Variants in SART3 observed in about 807,000 individuals in gnomAD.
SART3 encodes the protein HIV-1 Tat-interacting protein of 110kDa.
In SART3, 44 loss-of-function variants were observed where a neutral mutation model predicts 122.3. The observed-to-expected ratio is 0.36, with a 90% CI of 0.28 to 0.46. The LOEUF (loss-of-function observed/expected upper bound fraction) is 0.46, where lower values mean the gene tolerates loss of function less well. SART3 is among the 20% of genes least tolerant of loss of function. SART3 has a pLI of 1.00. For missense variants in SART3, 1,101 were observed against 1,229.0 expected, an observed-to-expected ratio of 0.90 and a Z score of 1.56; for synonymous variants, 442 against 454.0, an observed-to-expected ratio of 0.97 and a Z score of 0.34.
intron 6 of SART3, among the ~76,000 whole-genome samples, chr12:108,541,535 T>C (rs1873158185): frequency 6.6e-6 from 1 of 151,846 alleles, no homozygotes; most frequent in Non-Finnish European, 1.5e-5. Context: ...GGGAAATGGG[T>C]CAAAGACTTT....
chr12:108,526,459 A>G lies in SART3; in HGVS notation c.2010T>C (p.Cys670=). 1 of 1,614,226 alleles carries G rather than the reference A, an allele frequency of 6.2e-7. No individual in the cohort carries two copies. Among genetic ancestry groups the G allele is most frequent in the Middle Eastern group, 1.7e-4 (1 of 6,060 alleles). Residue 670 remains cysteine (C), a synonymous_variant, in exon 16 of 19, where the codon TGT becomes TGC. Transcript: ENST00000546815. Reference sequence around the variant, plus strand: ...AAGGGGGCTCCACATCTACGGCAGCACATTTCCCAGCGGGCCCTGCTGCTA... The same window carrying G: ...AAGGGGGCTCCACATCTACGGCAGCGCATTTCCCAGCGGGCCCTGCTGCTA... ...VEVAAGPAGK[C]AAVDVEPPSK...
At chr12:108,530,370 TTG>T in intron 14 of SART3, 60 bp from the exon 15 acceptor site, 1 of 1,585,026 alleles carries the variant, frequency 6.3e-7, no homozygotes, top group Non-Finnish European at 8.6e-7. Context: ...CTGTACTGAT[TTG>T]TCATGAAAGG....
chr12:108,545,810 A>T (rs1565864892), intron 3 of SART3, among the ~76,000 whole-genome samples: 1 of 152,044 alleles, frequency 6.6e-6, no homozygotes, highest in Non-Finnish European at 1.5e-5. Flanking sequence ...TACTAAAAAT[A>T]GAAAAATTAG....
At chr12:108,531,370 A>G (rs1008260017) in intron 13 of SART3, 90 bp from the exon 14 acceptor site, 1 of 918,482 alleles carries the variant, frequency 1.1e-6, no homozygotes, top group Non-Finnish European at 1.8e-6. Flanking sequence ...GTACCTCCAG[A>G]AGAGATCTCT....
In SART3 at chr12:108,523,222, C is replaced by T. The variant is rs1274102498; in HGVS notation, c.*235G>A. The T allele has an allele frequency of 5.0e-6, 3 of 594,454 alleles. No homozygotes were observed. Among genetic ancestry groups the T allele is most frequent in the African/African-American group, 1.9e-5 (1 of 53,758 alleles). The allele number at this position is 594,454 out of a possible 1,614,324, so 36.8% of individuals were successfully genotyped here. On this transcript the variant is annotated 3_prime_UTR_variant, in exon 19 of 19. Coordinates refer to ENST00000546815, the MANE Select transcript of SART3 (RefSeq NM_014706.4). ...GATACAAAACTATCTCAGGACACCA[C>T]ATCCTGGGCCCAGCCTGCAGAGTGG...
At chr12:108,548,980 A>G (rs779207484) in intron 2 of SART3, 108 bp downstream of exon 2, 7 of 1,545,422 alleles carry the variant, frequency 4.5e-6, no homozygotes, top group African/African-American at 1.4e-5. Context: ...TTTCCACTAC[A>G]CTGAACGTTC....
At chr12:108,542,405 A>G (rs1873209866) in intron 6 of SART3, among the ~76,000 whole-genome samples, 1 of 152,172 alleles carries the variant, frequency 6.6e-6, no homozygotes, top group South Asian at 2.1e-4. Flanking sequence ...CTAAGTACGT[A>G]TTCTAGAGAA....
At chr12:108,544,306 G>A in intron 5 of SART3, 121 bp downstream of exon 5, 1 of 873,098 alleles carries the variant, frequency 1.1e-6, no homozygotes, top group South Asian at 1.3e-5. Flanking sequence ...TATCCAAGGA[G>A]AGTAAGAACA....
chr12:108,530,043 A>C, intron 15 of SART3, 99 bp downstream of exon 15: 1 of 1,367,494 alleles, frequency 7.3e-7, no homozygotes, highest in South Asian at 1.2e-5. Context: ...AATGGGTATC[A>C]AGCTGGTAAC....
chr12:108,559,748 C>A (rs929722935), intron 1 of SART3, among the ~76,000 whole-genome samples: 1 of 151,966 alleles, frequency 6.6e-6, no homozygotes, highest in Non-Finnish European at 1.5e-5. Context: ...CCCTCTCCTC[C>A]CTGCCCTGTG....
chr12:108,548,220 T>G (rs1444511996), intron 2 of SART3, among the ~76,000 whole-genome samples: 2 of 152,240 alleles, frequency 1.3e-5, no homozygotes, highest in East Asian at 3.8e-4. Flanking sequence ...CATTTTATAT[T>G]TTGCAAAGCA....
At chr12:108,524,851 G>A in intron 17 of SART3, 2 of 381,658 alleles carry the variant, frequency 5.2e-6, no homozygotes, top group Non-Finnish European at 9.8e-6. Flanking sequence ...CACAGGGCCA[G>A]CAGCCCAGGT....
chr12:108,532,706 GGA>G (rs1206680851), intron 12 of SART3: 3 of 301,346 alleles, frequency 1.0e-5, no homozygotes, highest in Admixed American at 4.7e-5. Context: ...CCTACTGACA[GGA>G]GAGTTATGAA....
At chr12:108,544,863 C>A (rs189059632) in intron 4 of SART3, 6 of 576,342 alleles carry the variant, frequency 1.0e-5, no homozygotes, top group Admixed American at 9.1e-5. Context: ...CCGCACTTGG[C>A]CAACTCTGGT....
At chr12:108,543,203 A>G in intron 5 of SART3, 51 bp from the exon 6 acceptor site, 1 of 1,605,564 alleles carries the variant, frequency 6.2e-7, no homozygotes, top group Non-Finnish European at 8.5e-7. Flanking sequence ...GGCTTTATCA[A>G]CCCAAACACA....
chr12:108,533,668 C>T (rs1195405633), intron 12 of SART3, among the ~76,000 whole-genome samples: 4 of 152,178 alleles, frequency 2.6e-5, no homozygotes, highest in Non-Finnish European at 4.4e-5. Context: ...CTGACAGCTT[C>T]CTACTTAAAA....
At chr12:108,558,020 T>G (rs993416982) in intron 1 of SART3, among the ~76,000 whole-genome samples, 1 of 152,024 alleles carries the variant, frequency 6.6e-6, no homozygotes, top group Non-Finnish European at 1.5e-5. Flanking sequence ...ATATTTTTAA[T>G]TAGCCAGGCA....
chr12:108,558,759 C>A (rs1394440243), intron 1 of SART3, among the ~76,000 whole-genome samples: 1 of 152,134 alleles, frequency 6.6e-6, no homozygotes, highest in African/African-American at 2.4e-5. Context: ...AGAGGGCAGG[C>A]GCGGTGGCTC....
At chr12:108,556,100 CTTT>C (rs5800833) in intron 1 of SART3, among the ~76,000 whole-genome samples, 21 of 145,968 alleles carry the variant, frequency 1.4e-4, no homozygotes, top group Admixed American at 1.3e-3. Flanking sequence ...GAGAAACTCT[CTTT>C]TTTTTTTTTT....
Sources: gnomAD v4.1 joint callset for allele counts (sites outside exome capture counted in the v4.1 genomes callset) on GRCh38, gnomAD v4.1.1 for gene constraint, MANE v1.5 for transcripts, NCBI Gene and HGNC (gene_info 2026-07-23, HGNC 2026-07-21) for gene names.